NEK9: variants seen among roughly 807,000 people sequenced by gnomAD.
The protein encoded by NEK9 is NIMA related kinase 9, also known as serine/threonine-protein kinase Nek9.
Under a neutral mutation model 123.4 loss-of-function variants are expected in NEK9, and 75 were observed. The ratio of observed to expected loss-of-function variants is 0.61; its 90% CI spans 0.50 to 0.74. NEK9 has a LOEUF of 0.74. NEK9 is among the 30% of genes least tolerant of loss of function. The pLI, the probability that NEK9 is intolerant of heterozygous loss-of-function variation, is 0.00. For missense variants in NEK9, 952 were observed against 1,214.4 expected, an observed-to-expected ratio of 0.78 and a Z score of 3.21; for synonymous variants, 438 against 458.7, an observed-to-expected ratio of 0.95 and a Z score of 0.58.
intron 4 of NEK9, among the ~76,000 whole-genome samples, 193 bp downstream of exon 4, chr14:75,120,317 T>C (rs1895282561): frequency 6.6e-6 from 1 of 152,194 alleles, no homozygotes; most frequent in Admixed American, 6.5e-5. Context: ...GAGGAGACTC[T>C]TCCTAGATCA....
At chr14:75,098,612 G>C (rs1034842024) in intron 16 of NEK9, among the ~76,000 whole-genome samples, 1 of 152,192 alleles carries the variant, frequency 6.6e-6, no homozygotes, top group Non-Finnish European at 1.5e-5. Flanking sequence ...ACACCTGCCT[G>C]TGCTAGTCCC....
At chr14:75,110,421 T>C in intron 8 of NEK9, 50 bp from the exon 9 acceptor site, 3 of 1,387,972 alleles carry the variant, frequency 2.2e-6, no homozygotes, top group South Asian at 1.2e-5. Context: ...GGTTTTTATA[T>C]TGCAAAGGTG....
intron 8 of NEK9, among the ~76,000 whole-genome samples, chr14:75,111,751 C>T (rs954031092): frequency 6.6e-5 from 10 of 152,070 alleles, no homozygotes; most frequent in Non-Finnish European, 1.5e-4. Flanking sequence ...ACTAGCCAGG[C>T]GTGGTGGCGC....
intron 1 of NEK9, among the ~76,000 whole-genome samples, chr14:75,125,103 C>CTCCT (rs1197631131): frequency 1.3e-5 from 2 of 152,028 alleles, no homozygotes; most frequent in Non-Finnish European, 2.9e-5. Context: ...CTTCCTAGCC[C>CTCCT]AGGAGCATCT....
In NEK9 at chr14:75,114,277, T is replaced by C; in HGVS notation, c.799A>G (p.Ile267Val). 1 of 1,614,054 alleles carries C rather than the reference T, an allele frequency of 6.2e-7. No homozygotes were observed. Among genetic ancestry groups the C allele is most frequent in the Non-Finnish European group, 8.5e-7 (1 of 1,179,970 alleles). Residue 267 changes from isoleucine (I) to valine (V), a missense_variant, in exon 7 of 22, where the codon ATT (isoleucine) becomes GTT (valine). Around this residue, in one of 4 missense-constraint regions of NEK9, gnomAD observed 698 missense variants for 875.6 expected, o/e 0.80. Transcript: ENST00000238616. ...LNLCVKIVQG[I>V]RAMEVDSSQY... ...CTAGAGTCAACTTCCATGGCCCGAA[T>C]TCCTTGCACGATCTTCACACACAGG...
rs1894811763 is a variant in NEK9, at chr14:75,107,334, A to C, written c.1327+9T>G. On this transcript the variant is annotated intron_variant, in intron 11 of 21. Coordinates refer to ENST00000238616, the MANE Select transcript of NEK9 (RefSeq NM_033116.6). ...AATGCACTTAAGACACTTTCTGCTG[A>C]TGGCTTACCAGTCACACAGACAGTG... The C allele has an allele frequency of 6.2e-7, 1 of 1,610,486 alleles. No homozygotes were observed. The highest frequency in any genetic ancestry group is 1.3e-5 in the African/African-American group (1 of 74,776).
chr14:75,087,111 C>T lies in NEK9; in HGVS notation c.2724G>A (p.Lys908=). ...EVERLQGLVL[K]CLAEQQKLQQ... is the part of the protein sequence containing the mutation. The stretch of plus-strand genomic sequence containing the variant: ...GTAGCTTCTGTTGTTCAGCCAGACA[C>T]TTTAACACCAGACCCTGCAATCTCT... The change falls in exon 21 of 22, where the codon AAG becomes AAA. Residue 908 remains lysine (K), a synonymous_variant. Coordinates refer to ENST00000238616, the MANE Select transcript of NEK9 (RefSeq NM_033116.6). The T allele has an allele frequency of 1.2e-6, 2 of 1,614,224 alleles. No individual in the cohort carries two copies. Among genetic ancestry groups the T allele is most frequent in the Non-Finnish European group, 1.7e-6 (2 of 1,180,040 alleles).
In NEK9 at chr14:75,083,026, TG is replaced by T; in HGVS notation, c.*1537del. The T allele has an allele frequency of 2.5e-6, 1 of 398,646 alleles. No individual in the cohort carries two copies. The highest frequency in any genetic ancestry group is 4.4e-6 in the Non-Finnish European group (1 of 226,074). The allele number at this position is 398,646 out of a possible 1,614,324, so 24.7% of individuals were successfully genotyped here. ...GAACAGAGTTGCCTGTCCCGAGCAA[TG>T]GGGTTCTCCCCAAGCATCAGCCTTT... On this transcript the variant is annotated 3_prime_UTR_variant, in exon 22 of 22. Coordinates refer to ENST00000238616, the MANE Select transcript of NEK9 (RefSeq NM_033116.6).
Position 75,106,664 on chromosome 14 carries a change from C to T in NEK9, c.1366G>A (p.Gly456Ser), listed in dbSNP as rs148020601. 1.4e-5 allele frequency: 23 copies of T among 1,613,884 alleles called. No homozygotes were observed. The highest frequency in any genetic ancestry group is 1.9e-5 in the Non-Finnish European group (23 of 1,180,034). ...QLYAFGSDYY[G>S]CMGVDKVAGP... ...GCAACTTTGTCCACCCCCATGCAGC[C>T]ATAATAATCTGATCCGAAGGCATAG... Residue 456 changes from glycine to serine, a missense_variant, in exon 12 of 22, where the codon GGC (glycine) becomes AGC (serine). Physicochemically the swap from Gly to Ser is moderately conservative, Grantham distance 56. This residue lies in a region of NEK9 where 698 missense variants were observed against 875.6 expected (regional missense o/e 0.80). Coordinates refer to ENST00000238616, the MANE Select transcript of NEK9 (RefSeq NM_033116.6).
rs1278288103 is a variant in NEK9, at chr14:75,121,205, G to A, written c.398-31C>T. The stretch of plus-strand genomic sequence containing the variant: ...ATTAAACAAGACACAGATTTGAATT[G>A]CTTAATACAGATCAAAGCTTGGCTC... On this transcript the variant is annotated intron_variant, in intron 2 of 21. Coordinates refer to ENST00000238616, the MANE Select transcript of NEK9 (RefSeq NM_033116.6). 3 of 1,563,864 alleles carry A rather than the reference G, an allele frequency of 1.9e-6. No individual in the cohort carries two copies. The African/African-American group carries it at 4.1e-5, about 21-fold the overall frequency.
intron 20 of NEK9, 122 bp from the exon 21 acceptor site, chr14:75,087,352 C>CAAGATAA: frequency 1.5e-6 from 1 of 661,368 alleles, no homozygotes; most frequent in Non-Finnish European, 2.6e-6. Context: ...CATATATACA[C>CAAGATAA]ATGAATATAT....
rs1158646645 is a variant in NEK9, at chr14:75,101,074, G to A, written c.1920C>T (p.Ile640=). ...CACCAAGGGGTCCCCCCAACAGGTTGATTCCCAGACGCTTCTTGTAGTTCC... is the reference window on the plus strand; with the variant it reads ...CACCAAGGGGTCCCCCCAACAGGTTAATTCCCAGACGCTTCTTGTAGTTCC... The part of the protein sequence containing the change: ...GVGNYKKRLG[I]NLLGGPLGGK... Residue 640 remains isoleucine, a synonymous_variant, in exon 16 of 22, where the codon ATC becomes ATT. Transcript: ENST00000238616. 2 of 1,614,140 alleles carry A rather than the reference G, an allele frequency of 1.2e-6. No homozygotes were observed. The highest frequency in any genetic ancestry group is 1.7e-6 in the Non-Finnish European group (2 of 1,180,058).
At chr14:75,118,970 C>T in intron 4 of NEK9, 35 bp from the exon 5 acceptor site, 1 of 1,145,626 alleles carries the variant, frequency 8.7e-7, no homozygotes, top group African/African-American at 1.5e-5. Flanking sequence ...TAAGTTCACA[C>T]AGATAATTGT....
chr14:75,084,548 C>CT lies in NEK9; in HGVS notation c.*15dup. On this transcript the variant is annotated 3_prime_UTR_variant, in exon 22 of 22. Transcript: ENST00000238616. ...TTTGGGTCCCAGTCTCCTGGGGGCT[C>CT]TACAGGCTCAGGAGACTAGAGGCTG... 1 of 1,613,944 alleles carries CT rather than the reference C, an allele frequency of 6.2e-7. No homozygotes were observed. Among genetic ancestry groups the CT allele is most frequent in the Non-Finnish European group, 8.5e-7 (1 of 1,179,838 alleles).
rs771308780 is a variant in NEK9, at chr14:75,084,701, C to T, written c.2818-15G>A. On this transcript the variant is annotated splice_polypyrimidine_tract_variant and intron_variant, in intron 21 of 21. Coordinates refer to ENST00000238616, the MANE Select transcript of NEK9 (RefSeq NM_033116.6). ...TGCATCCCCACCTGTCCGGATAAAA[C>T]ACGGTTCCACATTAGCAACAGTGCC... 1.5e-5 allele frequency: 24 copies of T among 1,613,876 alleles called. No individual in the cohort carries two copies. In the East Asian group the frequency reaches 5.1e-4, roughly 34 times the overall value.
At chr14:75,086,616 A>T (rs892204049) in intron 21 of NEK9, 1 of 170,554 alleles carries the variant, frequency 5.9e-6, no homozygotes, top group African/African-American at 2.4e-5. Context: ...ATCATTAAAA[A>T]CTAAGGATCG....
At chr14:75,103,099 G>T (rs925389281) in intron 14 of NEK9, among the ~76,000 whole-genome samples, 3 of 151,732 alleles carry the variant, frequency 2.0e-5, no homozygotes, top group African/African-American at 7.3e-5. Context: ...TGTAAATGAC[G>T]AGTTAATGGG....
At chr14:75,116,910 C>A (rs1186377156) in intron 6 of NEK9, among the ~76,000 whole-genome samples, 1 of 152,054 alleles carries the variant, frequency 6.6e-6, no homozygotes, top group Non-Finnish European at 1.5e-5. Flanking sequence ...GCCACCACAC[C>A]CGGCTGAGTT....
chr14:75,107,317 T>G, intron 11 of NEK9, 26 bp downstream of exon 11: 2 of 1,607,640 alleles, frequency 1.2e-6, no homozygotes, highest in Non-Finnish European at 1.7e-6. Context: ...TAAATGCACT[T>G]AAGACACTTT....
Sources: allele counts gnomAD v4.1 joint callset (sites outside exome capture counted in the v4.1 genomes callset), GRCh38; gene constraint gnomAD v4.1.1; regional missense constraint gnomAD v4.1.1; transcripts MANE v1.5; gene names NCBI Gene and HGNC (gene_info 2026-07-23, HGNC 2026-07-21).